AGBL4: variants seen among roughly 807,000 people sequenced by gnomAD.
AGBL4 encodes the protein cytosolic carboxypeptidase 6.
A neutral mutation model predicts 66.4 loss-of-function variants in AGBL4; 58 were observed. That is an observed-to-expected ratio of 0.87 (90% CI 0.71 to 1.09). The LOEUF (loss-of-function observed/expected upper bound fraction) is 1.09, where lower values mean the gene tolerates loss of function less well. Among genes scored for constraint, AGBL4 ranks in the 50% least tolerant of loss-of-function variants. AGBL4 has a pLI of 0.00. For missense variants in AGBL4, 579 were observed against 631.0 expected (o/e 0.92, Z 0.88); for synonymous variants, 234 against 222.9 (o/e 1.05, Z -0.44).
chr1:49,408,286 A>C (rs2148622702), intron 3 of AGBL4, among the ~76,000 whole-genome samples: 1 of 152,352 alleles, frequency 6.6e-6, no homozygotes, highest in African/African-American at 2.4e-5. Flanking sequence ...GCATGTGATA[A>C]CACTGTTATT....
chr1:48,588,174 C>T (rs1236667384), intron 10 of AGBL4, among the ~76,000 whole-genome samples: 1 of 152,088 alleles, frequency 6.6e-6, no homozygotes, highest in Non-Finnish European at 1.5e-5. Flanking sequence ...AATCTGAATC[C>T]AGAACTAAGT....
intron 9 of AGBL4, among the ~76,000 whole-genome samples, chr1:48,615,392 C>T (rs1460967755): frequency 3.3e-5 from 5 of 152,134 alleles, no homozygotes; most frequent in Non-Finnish European, 5.9e-5. Context: ...GAGATAGCCT[C>T]CTCCCCATAG....
At chr1:49,257,896 A>T (rs1652693391) in intron 3 of AGBL4, among the ~76,000 whole-genome samples, 1 of 152,126 alleles carries the variant, frequency 6.6e-6, no homozygotes, top group Non-Finnish European at 1.5e-5. Flanking sequence ...TGAGCAGCCT[A>T]ACTGGGAGGC....
intron 6 of AGBL4, among the ~76,000 whole-genome samples, chr1:48,822,711 C>T (rs560093463): frequency 7.7e-4 from 118 of 152,348 alleles, no homozygotes; most frequent in Non-Finnish European, 1.5e-3. Context: ...ACCATTGGCT[C>T]TCCTGGGACT....
At chr1:48,689,557 T>G (rs1045354029) in intron 6 of AGBL4, among the ~76,000 whole-genome samples, 1 of 151,448 alleles carries the variant, frequency 6.6e-6, no homozygotes, top group African/African-American at 2.4e-5. Flanking sequence ...GCCCAGGCAC[T>G]AGGGCTGGGG....
At chr1:48,593,785 A>G (rs1194914992) in intron 9 of AGBL4, among the ~76,000 whole-genome samples, 3 of 152,058 alleles carry the variant, frequency 2.0e-5, no homozygotes. Context: ...TAAAATAATA[A>G]ATTCCTAGAA....
At chr1:50,023,675 A>G in intron 1 of AGBL4, 88 bp downstream of exon 1, 1 of 1,457,456 alleles carries the variant, frequency 6.9e-7, no homozygotes. Flanking sequence ...CCTCCTCAGG[A>G]GTAGGACCAT....
intron 6 of AGBL4, among the ~76,000 whole-genome samples, chr1:48,682,581 AG>A (rs1350637658): frequency 6.6e-6 from 1 of 151,956 alleles, no homozygotes; most frequent in Non-Finnish European, 1.5e-5. Flanking sequence ...CCTTGTAGGG[AG>A]GGGCCTTGCT....
chr1:49,754,320 A>G (rs961275979), intron 2 of AGBL4, among the ~76,000 whole-genome samples: 1 of 146,350 alleles, frequency 6.8e-6, no homozygotes, highest in African/African-American at 2.5e-5. Context: ...ATTATACTCT[A>G]AGTTTTAGGG....
chr1:49,974,349 G>A (rs72686780), intron 1 of AGBL4, among the ~76,000 whole-genome samples: 4 of 152,180 alleles, frequency 2.6e-5, no homozygotes, highest in Non-Finnish European at 4.4e-5. Context: ...ATAAATGGAG[G>A]ACATAAACTT....
intron 6 of AGBL4, among the ~76,000 whole-genome samples, chr1:48,864,877 T>A (rs536633100): frequency 3.3e-5 from 5 of 152,110 alleles, no homozygotes; most frequent in African/African-American, 7.2e-5. Flanking sequence ...CATGTTGATA[T>A]GACAAAGCCA....
In AGBL4 at chr1:49,008,732, A is replaced by G. The variant is rs1330037752; in HGVS notation, c.594+36852T>C. ...CTCAGGATTAAGAATCTCACTCAAA[A>G]CCGCTCAACTACATGGAAACTGAAC... is the stretch of plus-strand genomic sequence containing the variant. On this transcript the variant is annotated intron_variant, in intron 5 of 13. Coordinates refer to ENST00000371839, the MANE Select transcript of AGBL4 (RefSeq NM_032785.4). Among the ~76,000 whole-genome samples, 15 of 136,680 alleles carry G rather than the reference A, an allele frequency of 1.1e-4. No individual in the cohort carries two copies. In the East Asian group the frequency reaches 1.1e-3, roughly 10 times the overall value. The allele number at this position is 136,680 out of a possible 152,430, so 89.7% of individuals were successfully genotyped here.
At chr1:49,933,127 T>C (rs1199864517) in intron 1 of AGBL4, among the ~76,000 whole-genome samples, 1 of 152,036 alleles carries the variant, frequency 6.6e-6, no homozygotes, top group Non-Finnish European at 1.5e-5. Context: ...AAACCTGCAA[T>C]CAAATTTTCA....
chr1:49,961,336 C>T (rs1424474664), intron 1 of AGBL4, among the ~76,000 whole-genome samples: 1 of 151,976 alleles, frequency 6.6e-6, no homozygotes, highest in Admixed American at 6.6e-5. Context: ...TAGTGAGACA[C>T]CATCTCTACA....
At chr1:48,635,543 G>T (rs138273475) in intron 8 of AGBL4, among the ~76,000 whole-genome samples, 21 of 152,334 alleles carry the variant, frequency 1.4e-4, no homozygotes, top group African/African-American at 5.1e-4. Context: ...ATGCAGAGGA[G>T]ATATCACTGA....
intron 6 of AGBL4, among the ~76,000 whole-genome samples, chr1:48,716,405 T>C (rs1271930998): frequency 3.3e-5 from 5 of 152,140 alleles, no homozygotes; most frequent in Non-Finnish European, 7.4e-5. Flanking sequence ...AACTATATCA[T>C]AGGGCCAAAG....
rs535114975 is a variant in AGBL4, at chr1:49,569,556, G to A, written c.282+127757C>T. ...AAAAAGAAAGCATGCTTACATTTGCGTTTTAGTTTTTAATATTTGCCTTTG... is the reference window on the plus strand; with the variant it reads ...AAAAAGAAAGCATGCTTACATTTGCATTTTAGTTTTTAATATTTGCCTTTG... On this transcript the variant is annotated intron_variant, in intron 3 of 13. Transcript: ENST00000371839. Among the ~76,000 whole-genome samples, 124 of 152,112 alleles carry A rather than the reference G, an allele frequency of 8.2e-4. 2 individuals carry two copies. In the South Asian group the frequency reaches 0.024, roughly 29 times the overall value.
intron 1 of AGBL4, among the ~76,000 whole-genome samples, chr1:49,935,065 G>C (rs1653807163): frequency 6.6e-6 from 1 of 152,230 alleles, no homozygotes; most frequent in Admixed American, 6.5e-5. Flanking sequence ...GGGTCAGGGA[G>C]TTCCCTTTCT....
At chr1:48,879,359 T>C (rs908141810) in intron 5 of AGBL4, among the ~76,000 whole-genome samples, 2 of 152,044 alleles carry the variant, frequency 1.3e-5, no homozygotes, top group African/African-American at 4.8e-5. Flanking sequence ...AAGATGTCTC[T>C]TTCTTTCCTT....
Sources: allele counts gnomAD v4.1 joint callset (sites outside exome capture counted in the v4.1 genomes callset), GRCh38; gene constraint gnomAD v4.1.1; transcripts MANE v1.5; gene names NCBI Gene and HGNC (gene_info 2026-07-23, HGNC 2026-07-21).